The following NAALADL2 variants were observed in gnomAD, a reference collection of about 807,000 sequenced individuals.
NAALADL2 encodes the protein N-acetylated alpha-linked acidic dipeptidase like 2.
Under a neutral mutation model 87.2 loss-of-function variants are expected in NAALADL2, and 76 were observed. The observed-to-expected ratio is 0.87, with a 90% CI of 0.72 to 1.05. NAALADL2 has a LOEUF of 1.05. Among genes scored for constraint, NAALADL2 ranks in the 50% least tolerant of loss-of-function variants. The probability of loss-of-function intolerance (pLI) is 0.00; values close to 1 mark genes in which losing one functional copy is unlikely to be tolerated. For synonymous variants in NAALADL2, 354 were observed against 331.0 expected, an observed-to-expected ratio of 1.07 and a Z score of -0.75; for missense variants, 1,089 against 945.8, an observed-to-expected ratio of 1.15 and a Z score of -1.99.
intron 1 of NAALADL2, among the ~76,000 whole-genome samples, chr3:174,548,648 G>A (rs1301320192): frequency 1.3e-5 from 2 of 151,984 alleles, no homozygotes; most frequent in African/African-American, 4.8e-5. Flanking sequence ...ATCTGTGAAC[G>A]GTGCTAACAG....
intron 4 of NAALADL2, among the ~76,000 whole-genome samples, chr3:175,287,465 A>G (rs916752198): frequency 2.0e-5 from 3 of 152,202 alleles, no homozygotes; most frequent in Admixed American, 6.5e-5. Context: ...AGTAACCCTC[A>G]TAACAACCCA....
chr3:175,672,531 A>C (rs1734142162), intron 11 of NAALADL2, among the ~76,000 whole-genome samples: 1 of 152,124 alleles, frequency 6.6e-6, no homozygotes, highest in South Asian at 2.1e-4. Context: ...TAGCTTTAGA[A>C]AAAGACAGGG....
chr3:175,494,262 A>C (rs1046106978), intron 9 of NAALADL2, among the ~76,000 whole-genome samples: 3 of 152,072 alleles, frequency 2.0e-5, no homozygotes, highest in African/African-American at 7.2e-5. Flanking sequence ...TGTGATGTCT[A>C]CATATTTTGA....
intron 3 of NAALADL2, among the ~76,000 whole-genome samples, chr3:174,754,546 A>G (rs1004996947): frequency 3.3e-5 from 5 of 151,456 alleles, no homozygotes; most frequent in Non-Finnish European, 7.4e-5. Flanking sequence ...TTGTAACCTG[A>G]AACTCTTGGG....
At chr3:174,951,721 C>T (rs1740388181) in intron 1 of NAALADL2, among the ~76,000 whole-genome samples, 1 of 152,076 alleles carries the variant, frequency 6.6e-6, no homozygotes, top group Admixed American at 6.6e-5. Context: ...ATCATCCTTC[C>T]TGCAATATGT....
chr3:174,567,143 C>T (rs572569771), intron 2 of NAALADL2, among the ~76,000 whole-genome samples: 2 of 151,658 alleles, frequency 1.3e-5, no homozygotes, highest in South Asian at 4.1e-4. Context: ...ATTTTAGCTA[C>T]ATCTTCAGAG....
intron 2 of NAALADL2, among the ~76,000 whole-genome samples, chr3:175,208,921 C>T (rs1269972296): frequency 1.3e-5 from 2 of 152,090 alleles, no homozygotes; most frequent in Admixed American, 1.3e-4. Flanking sequence ...GAATGTTTGC[C>T]TTCTCAGTTA....
intron 11 of NAALADL2, among the ~76,000 whole-genome samples, chr3:175,686,768 C>T (rs571793241): frequency 3.2e-4 from 48 of 152,096 alleles, no homozygotes; most frequent in African/African-American, 1.0e-3. Context: ...TCATTTTTTC[C>T]GTGACTATTT....
chr3:174,961,017 A>G (rs546916989), intron 1 of NAALADL2, among the ~76,000 whole-genome samples: 3 of 147,776 alleles, frequency 2.0e-5, no homozygotes, highest in South Asian at 4.3e-4. Context: ...AGAGTGGGCT[A>G]CAGAACAAGA....
intron 3 of NAALADL2, among the ~76,000 whole-genome samples, chr3:174,745,760 G>A (rs566391003): frequency 5.9e-5 from 9 of 152,148 alleles, no homozygotes; most frequent in East Asian, 1.9e-4. Context: ...AGTCAGCTTC[G>A]TCCCTGGGAT....
In NAALADL2 at chr3:174,656,869, C is replaced by G. The variant is rs371107831; in HGVS notation, c.-114-80772C>G. Reference sequence around the variant, plus strand: ...CATAAATAAGGCCGGTCTGTTTCATCTAAACTTTCTACCTCACCCCACTTT... The same window carrying G: ...CATAAATAAGGCCGGTCTGTTTCATGTAAACTTTCTACCTCACCCCACTTT... On this transcript the variant is annotated intron_variant, in intron 2 of 3. Coordinates refer to the NAALADL2 transcript ENST00000434257. 3.6e-4 allele frequency among the ~76,000 whole-genome samples: 55 copies of G among 152,064 alleles called. No homozygotes were observed. In the South Asian group the frequency reaches 0.01, roughly 29 times the overall value.
chr3:175,112,552 A>G (rs940274922), intron 2 of NAALADL2: 2 of 151,690 alleles, frequency 1.3e-5, no homozygotes, highest in Non-Finnish European at 3.0e-5. Flanking sequence ...ACCTGGCATT[A>G]GGTAGATAAG....
At chr3:175,596,580 G>A (rs10804858) in intron 10 of NAALADL2, among the ~76,000 whole-genome samples, 108,744 of 151,646 alleles carry the variant, frequency 0.72, 39,285 homozygotes, top group East Asian at 0.85. Context: ...TCTTTTGAGC[G>A]AATCCAGACT....
At chr3:174,499,475 T>C (rs1436824339) in intron 1 of NAALADL2, among the ~76,000 whole-genome samples, 1 of 152,044 alleles carries the variant, frequency 6.6e-6, no homozygotes, top group Admixed American at 6.5e-5. Context: ...TCCTTTATGG[T>C]ATTATACTAA....
intron 11 of NAALADL2, among the ~76,000 whole-genome samples, chr3:175,665,929 C>T (rs549646960): frequency 6.6e-6 from 1 of 151,544 alleles, no homozygotes; most frequent in Admixed American, 6.6e-5. Context: ...GACTCTGTCC[C>T]CCCCCCAAAA....
intron 5 of NAALADL2, among the ~76,000 whole-genome samples, chr3:175,391,857 G>T (rs892256969): frequency 2.6e-5 from 4 of 151,972 alleles, no homozygotes; most frequent in African/African-American, 9.7e-5. Flanking sequence ...TATACTAGAT[G>T]CTCAATGAAT....
intron 10 of NAALADL2, among the ~76,000 whole-genome samples, chr3:175,612,631 GACTGACTGTTAA>G (rs1724802377): frequency 6.6e-6 from 1 of 152,062 alleles, no homozygotes; most frequent in Non-Finnish European, 1.5e-5. Flanking sequence ...GAAAAGCCCT[GACTGACTGTTAA>G]ACAGAAAGCT....
intron 2 of NAALADL2, among the ~76,000 whole-genome samples, chr3:174,670,007 A>G (rs1041508752): frequency 5.9e-5 from 9 of 152,020 alleles, no homozygotes; most frequent in African/African-American, 1.4e-4. Flanking sequence ...CTGATTGCTA[A>G]TAAAAGTATT....
intron 1 of NAALADL2, among the ~76,000 whole-genome samples, chr3:174,920,242 C>T: frequency 6.6e-6 from 1 of 152,236 alleles, no homozygotes; most frequent in Admixed American, 6.5e-5. Flanking sequence ...CTCCTCCTCT[C>T]TAGCTGTGAA....
Sources: allele counts gnomAD v4.1 joint callset (sites outside exome capture counted in the v4.1 genomes callset), GRCh38; gene constraint gnomAD v4.1.1; transcripts MANE v1.5; gene names NCBI Gene and HGNC (gene_info 2026-07-23, HGNC 2026-07-21).